The following RBMS1 variants were observed in gnomAD, a reference collection of about 807,000 sequenced individuals.
RBMS1 encodes RNA binding motif single stranded interacting protein 1.
A neutral mutation model predicts 62.3 loss-of-function variants in RBMS1; 17 were observed. That is an observed-to-expected ratio of 0.27 (90% CI 0.19 to 0.41). The LOEUF (loss-of-function observed/expected upper bound fraction) is 0.41. Ranked by LOEUF, RBMS1 falls within the 10% of genes least tolerant of loss-of-function variation. The pLI is 1.00. For missense variants in RBMS1, 334 were observed against 504.5 expected (o/e 0.66, Z 3.24); for synonymous variants, 172 against 170.0 (o/e 1.01, Z -0.09).
chr2:160,334,493 T>C (rs1323484857), intron 2 of RBMS1, among the ~76,000 whole-genome samples: 1 of 152,210 alleles, frequency 6.6e-6, no homozygotes, highest in Non-Finnish European at 1.5e-5. Context: ...ATGACTCATC[T>C]TTCCCCACTG....
Position 160,367,198 on chromosome 2 carries a change from G to C in RBMS1, c.251+18C>G, listed in dbSNP as rs768633572. 6.2e-7 allele frequency: 1 copy of C among 1,605,752 alleles called. No individual in the cohort carries two copies. The highest frequency in any genetic ancestry group is 8.5e-7 in the Non-Finnish European group (1 of 1,173,822). On this transcript the variant is annotated intron_variant, in intron 2 of 13. Coordinates refer to ENST00000348849, the MANE Select transcript of RBMS1 (RefSeq NM_016836.4). ...AAAATACTTAGCAGCTAAAATAATAGGAACAACTACTACTTACGGTTGACA... is the reference window on the plus strand; with the variant it reads ...AAAATACTTAGCAGCTAAAATAATACGAACAACTACTACTTACGGTTGACA...
chr2:160,350,225 T>C (rs1692422385), intron 2 of RBMS1, among the ~76,000 whole-genome samples: 1 of 151,972 alleles, frequency 6.6e-6, no homozygotes, highest in African/African-American at 2.4e-5. Flanking sequence ...TGATGGAAGT[T>C]TTAAACACTA....
intron 1 of RBMS1, among the ~76,000 whole-genome samples, chr2:160,422,410 C>T (rs548280443): frequency 3.3e-5 from 5 of 152,316 alleles, no homozygotes; most frequent in African/African-American, 9.6e-5. Context: ...CTATTCTGTA[C>T]TCTTGTTCAC....
intron 1 of RBMS1, among the ~76,000 whole-genome samples, chr2:160,448,478 TG>T (rs1033248199): frequency 6.6e-6 from 1 of 152,222 alleles, no homozygotes; most frequent in Non-Finnish European, 1.5e-5. Context: ...CATTTTTTGA[TG>T]GAGACGGGGT....
At chr2:160,485,555 A>G (rs1326088406) in intron 1 of RBMS1, among the ~76,000 whole-genome samples, 6 of 152,196 alleles carry the variant, frequency 3.9e-5, no homozygotes, top group African/African-American at 1.4e-4. Flanking sequence ...TATTTATGAA[A>G]TGAATTTCAA....
chr2:160,443,804 C>T (rs75401914), intron 1 of RBMS1, among the ~76,000 whole-genome samples: 1 of 152,340 alleles, frequency 6.6e-6, no homozygotes, highest in Non-Finnish European at 1.5e-5. Flanking sequence ...CTTTCTGTCA[C>T]ATTTTAATTC....
intron 1 of RBMS1, among the ~76,000 whole-genome samples, chr2:160,449,052 G>T (rs1210369593): frequency 1.3e-5 from 2 of 150,486 alleles, no homozygotes; most frequent in Admixed American, 6.6e-5. Flanking sequence ...GAGCCCCTCC[G>T]CCCGGCAGCT....
chr2:160,456,983 A>G (rs79927506), intron 1 of RBMS1, among the ~76,000 whole-genome samples: 12,474 of 152,194 alleles, frequency 0.082, 724 homozygotes, highest in East Asian at 0.24. Context: ...CTTTTCTAAT[A>G]AACTTCAGCT....
At chr2:160,406,351 A>G (rs755983696) in intron 1 of RBMS1, among the ~76,000 whole-genome samples, 16 of 152,252 alleles carry the variant, frequency 1.1e-4, no homozygotes, top group Non-Finnish European at 2.1e-4. Context: ...AACATAATCA[A>G]TAATCCTGTA....
intron 1 of RBMS1, among the ~76,000 whole-genome samples, chr2:160,466,127 C>T (rs1385969350): frequency 6.6e-6 from 1 of 151,958 alleles, no homozygotes; most frequent in East Asian, 1.9e-4. Flanking sequence ...GCCAATCATA[C>T]CTATAAAAAC....
intron 9 of RBMS1, chr2:160,282,070 G>C (rs1688130197): frequency 1.0e-5 from 4 of 396,542 alleles, no homozygotes; most frequent in Non-Finnish European, 1.9e-5. Flanking sequence ...TGCCACTCAA[G>C]AGAAAAACAT....
At chr2:160,473,846 T>C (rs938997565) in intron 1 of RBMS1, among the ~76,000 whole-genome samples, 5 of 152,204 alleles carry the variant, frequency 3.3e-5, no homozygotes, top group Non-Finnish European at 7.4e-5. Flanking sequence ...TCTACTCAGA[T>C]AATCTATTTT....
At chr2:160,489,910 A>G (rs913106522) in intron 1 of RBMS1, among the ~76,000 whole-genome samples, 1 of 152,122 alleles carries the variant, frequency 6.6e-6, no homozygotes, top group Non-Finnish European at 1.5e-5. Flanking sequence ...AAAATTTTGT[A>G]CTTCCCTTTC....
intron 2 of RBMS1, among the ~76,000 whole-genome samples, chr2:160,356,430 TGGTGCTGATGAGGAAGCAAG>T (rs143979819): frequency 3.3e-5 from 5 of 151,730 alleles, no homozygotes; most frequent in East Asian, 3.9e-4. Context: ...TTGTAGTTTG[TGGTGCTGATGAGGAAGCAAG>T]GGTGCTGATG....
At chr2:160,346,753 G>A (rs1362107192) in intron 2 of RBMS1, among the ~76,000 whole-genome samples, 2 of 152,186 alleles carry the variant, frequency 1.3e-5, no homozygotes, top group South Asian at 4.2e-4. Flanking sequence ...TGGAAAAACT[G>A]AAGAACAGAA....
Position 160,482,794 on chromosome 2 carries a change from A to G in RBMS1, c.75+10495T>C, listed in dbSNP as rs187424071. Among the ~76,000 whole-genome samples the G allele has an allele frequency of 3.3e-5, 5 of 152,340 alleles. No homozygotes were observed. The East Asian group carries it at 5.8e-4, about 18-fold the overall frequency. ...AAGATTCAAATCAAAGAAGCAAAGGAAGAGGAAACAAAGAAAGGTGCTGTT... is the reference window on the plus strand; with the variant it reads ...AAGATTCAAATCAAAGAAGCAAAGGGAGAGGAAACAAAGAAAGGTGCTGTT... On this transcript the variant is annotated intron_variant, in intron 1 of 13. Coordinates refer to ENST00000348849, the MANE Select transcript of RBMS1 (RefSeq NM_016836.4).
chr2:160,474,064 G>C (rs1292473071), intron 1 of RBMS1, among the ~76,000 whole-genome samples: 1 of 151,972 alleles, frequency 6.6e-6, no homozygotes, highest in African/African-American at 2.4e-5. Context: ...AAACTTCTCT[G>C]CTGTGTTATT....
intron 1 of RBMS1, among the ~76,000 whole-genome samples, chr2:160,426,285 GAAAGAAAA>G (rs1682599002): frequency 2.4e-4 from 24 of 100,198 alleles, no homozygotes; most frequent in South Asian, 3.5e-4. Flanking sequence ...AAGAAAGAAA[GAAAGAAAA>G]GAAAGAAGGA....
chr2:160,404,164 T>C (rs1695575455), intron 1 of RBMS1, among the ~76,000 whole-genome samples: 1 of 152,220 alleles, frequency 6.6e-6, no homozygotes. Flanking sequence ...TTTATTTAGA[T>C]ACTGCCTACT....
Sources: allele counts gnomAD v4.1 joint callset (sites outside exome capture counted in the v4.1 genomes callset), GRCh38; gene constraint gnomAD v4.1.1; transcripts MANE v1.5; gene names NCBI Gene and HGNC (gene_info 2026-07-23, HGNC 2026-07-21).